Variants in GALNT14 observed in about 807,000 individuals in gnomAD.
GALNT14 encodes the protein UDP-GalNAc:polypeptide N-acetylgalactosaminyltransferase 14.
In GALNT14, 60 loss-of-function variants were observed where a neutral mutation model predicts 77.5. The observed-to-expected ratio is 0.77, with a 90% confidence interval of 0.63 to 0.96. The LOEUF (loss-of-function observed/expected upper bound fraction) is 0.96, where lower values mean the gene tolerates loss of function less well. GALNT14 is among the 40% of genes least tolerant of loss of function. GALNT14 has a pLI of 0.00. For synonymous variants in GALNT14, 280 were observed against 281.7 expected (o/e 0.99, Z 0.06); for missense variants, 710 against 731.0 (o/e 0.97, Z 0.33).
intron 1 of GALNT14, among the ~76,000 whole-genome samples, chr2:31,091,460 C>T (rs1676732783): frequency 6.6e-6 from 1 of 152,178 alleles, no homozygotes; most frequent in African/African-American, 2.4e-5. Context: ...GAAAAGTTTG[C>T]CAACTCCTGA....
chr2:30,966,207 C>CG lies in GALNT14; in HGVS notation c.394dup (p.Arg132ProfsTer20), dbSNP rs1452688518. The CG allele has an allele frequency of 6.2e-7, 1 of 1,613,398 alleles. No individual in the cohort carries two copies. The highest frequency in any genetic ancestry group is 2.2e-5 in the East Asian group (1 of 44,886). On this transcript the variant is annotated frameshift_variant, in exon 3 of 15. Transcript: ENST00000349752. LOFTEE classifies it high-confidence loss of function. ...CAGACAAGCAAGGATGCCTCACCTG[C>CG]GGATGGTCCTGAGCAGCGTGGAGCG...
At chr2:31,108,242 C>A (rs538957654) in intron 1 of GALNT14, among the ~76,000 whole-genome samples, 20 of 152,316 alleles carry the variant, frequency 1.3e-4, no homozygotes, top group African/African-American at 4.1e-4. Context: ...ACCAGGGCCC[C>A]AGGACTCCAC....
chr2:31,080,501 G>A (rs533382764), intron 1 of GALNT14, among the ~76,000 whole-genome samples: 4 of 152,294 alleles, frequency 2.6e-5, no homozygotes, highest in Admixed American at 6.5e-5. Flanking sequence ...TCCAACAAAG[G>A]TCAGCTGTAA....
At chr2:31,099,878 T>G (rs58037780) in intron 1 of GALNT14, among the ~76,000 whole-genome samples, 5,726 of 152,088 alleles carry the variant, frequency 0.038, 328 homozygotes, top group African/African-American at 0.13. Flanking sequence ...ACCTTTTTAT[T>G]TGAACTTTAA....
intron 1 of GALNT14, among the ~76,000 whole-genome samples, chr2:31,075,471 T>C (rs1180246708): frequency 6.6e-6 from 1 of 152,166 alleles, no homozygotes; most frequent in Non-Finnish European, 1.5e-5. Context: ...TCAGAAACAA[T>C]CTCTGCGTCC....
At chr2:31,046,573 C>T (rs527318867) in intron 1 of GALNT14, among the ~76,000 whole-genome samples, 7 of 151,906 alleles carry the variant, frequency 4.6e-5, no homozygotes, top group African/African-American at 1.7e-4. Flanking sequence ...CATCCAGGCC[C>T]AAAATACTCT....
At chr2:31,056,332 G>A (rs72854850) in intron 1 of GALNT14, among the ~76,000 whole-genome samples, 4,387 of 152,236 alleles carry the variant, frequency 0.029, 77 homozygotes, top group African/African-American at 0.04. Flanking sequence ...CTCCTTTCTC[G>A]GGACACTTGC....
chr2:31,104,742 C>T (rs569239456), intron 1 of GALNT14, among the ~76,000 whole-genome samples: 115 of 152,254 alleles, frequency 7.6e-4, no homozygotes, highest in African/African-American at 2.5e-3. Context: ...CAGATACAAG[C>T]CATGCATTCT....
chr2:30,989,594 ATT>A (rs1669545960), intron 2 of GALNT14, among the ~76,000 whole-genome samples: 1 of 129,128 alleles, frequency 7.7e-6, no homozygotes, highest in African/African-American at 2.8e-5. Flanking sequence ...AAATATATAT[ATT>A]AGTAGATATA....
At chr2:31,059,399 T>C (rs911771807) in intron 1 of GALNT14, among the ~76,000 whole-genome samples, 5 of 152,230 alleles carry the variant, frequency 3.3e-5, no homozygotes, top group Non-Finnish European at 7.3e-5. Flanking sequence ...ATATCAAATA[T>C]ATGGCTAATG....
intron 1 of GALNT14, among the ~76,000 whole-genome samples, chr2:31,051,644 G>C (rs1391314077): frequency 6.6e-6 from 1 of 152,170 alleles, no homozygotes; most frequent in East Asian, 1.9e-4. Flanking sequence ...TACTGGCTCT[G>C]TTTCTTTGAA....
chr2:31,020,570 C>T (rs867254293), intron 1 of GALNT14, among the ~76,000 whole-genome samples: 15 of 152,120 alleles, frequency 9.9e-5, no homozygotes, highest in Admixed American at 2.0e-4. Context: ...CCTGACACCC[C>T]GGGGAAGCTA....
intron 1 of GALNT14, among the ~76,000 whole-genome samples, chr2:31,070,403 C>G (rs147477323): frequency 2.3e-3 from 357 of 152,328 alleles, no homozygotes; most frequent in African/African-American, 8.0e-3. Context: ...TCCTCAGGAA[C>G]AGAGATGCTG....
At chr2:31,043,761 G>T (rs1038746853) in intron 1 of GALNT14, among the ~76,000 whole-genome samples, 1 of 152,116 alleles carries the variant, frequency 6.6e-6, no homozygotes, top group African/African-American at 2.4e-5. Flanking sequence ...AGATGATTAA[G>T]ATACCACACC....
the GALNT14 span, among the ~76,000 whole-genome samples, chr2:30,897,703 A>G: frequency 6.6e-6 from 1 of 152,178 alleles, no homozygotes; most frequent in South Asian, 2.1e-4. Flanking sequence ...TCAGCAGAGG[A>G]GGCCGGGACC....
chr2:31,013,167 G>T (rs376108826), intron 1 of GALNT14, among the ~76,000 whole-genome samples: 1 of 152,114 alleles, frequency 6.6e-6, no homozygotes, highest in Non-Finnish European at 1.5e-5. Flanking sequence ...CTACAGGAGA[G>T]AATAAAATGT....
intron 2 of GALNT14, among the ~76,000 whole-genome samples, chr2:30,982,402 GA>G (rs1027076478): frequency 1.1e-4 from 16 of 152,178 alleles, no homozygotes; most frequent in Non-Finnish European, 2.1e-4. Context: ...AGCCAAGCTG[GA>G]AAAACCCCAA....
chr2:30,912,541 C>G (rs1442433697), intron 13 of GALNT14, among the ~76,000 whole-genome samples, 199 bp from the exon 14 acceptor site: 1 of 152,212 alleles, frequency 6.6e-6, no homozygotes, highest in African/African-American at 2.4e-5. Flanking sequence ...ATGGAAATCT[C>G]CATCCACCCC....
In GALNT14 at chr2:31,124,271, G is replaced by A. The variant is rs144862471; in HGVS notation, c.129+13687C>T. ...GCCAGGGCTCTAGCATCCTACGTCC[G>A]GTCTTAGTTCCACCAATTATTCATG... On this transcript the variant is annotated intron_variant, in intron 1 of 14. Coordinates refer to ENST00000349752, the MANE Select transcript of GALNT14 (RefSeq NM_024572.4). Among the ~76,000 whole-genome samples, 503 of 152,220 alleles carry A rather than the reference G, an allele frequency of 3.3e-3. 1 individual carries two copies. Among genetic ancestry groups the A allele is most frequent in the East Asian group, 0.01 (52 of 5,158 alleles).
Sources: gnomAD v4.1 joint callset for allele counts (sites outside exome capture counted in the v4.1 genomes callset) on GRCh38, gnomAD v4.1.1 for gene constraint, MANE v1.5 for transcripts, NCBI Gene and HGNC (gene_info 2026-07-23, HGNC 2026-07-21) for gene names.